ZNF804B: variants seen among roughly 807,000 people sequenced by gnomAD.
The protein encoded by ZNF804B is zinc finger protein 804B, also known as zinc finger 804B.
In ZNF804B, 80 loss-of-function variants were observed where a neutral mutation model predicts 101.4. The ratio of observed to expected loss-of-function variants is 0.79; its 90% CI spans 0.66 to 0.95. ZNF804B has a LOEUF of 0.95. Among genes scored for constraint, ZNF804B ranks in the 40% least tolerant of loss-of-function variants. ZNF804B has a pLI of 0.00. For synonymous variants in ZNF804B, 622 were observed against 558.8 expected, an observed-to-expected ratio of 1.11 and a Z score of -1.59; for missense variants, 1,673 against 1,561.9, an observed-to-expected ratio of 1.07 and a Z score of -1.20.
rs147010564 is a variant in ZNF804B at position 89,164,095 on chromosome 7, C to T, written c.109-54060C>T. Reference sequence around the variant, plus strand: ...CTTCAAGGGTTTTAAAATGTACCACCGAAAATACTCATTTTGTTATAAAAT... The same window carrying T: ...CTTCAAGGGTTTTAAAATGTACCACTGAAAATACTCATTTTGTTATAAAAT... On this transcript the variant is annotated intron_variant, in intron 1 of 3. Transcript: ENST00000333190. Among the ~76,000 whole-genome samples, 428 of 151,750 alleles carry T rather than the reference C, an allele frequency of 2.8e-3. 5 individuals carry two copies. The highest frequency in any genetic ancestry group is 9.9e-3 in the African/African-American group (408 of 41,398).
At chr7:89,191,734 A>G (rs983405913) in intron 1 of ZNF804B, among the ~76,000 whole-genome samples, 4 of 152,128 alleles carry the variant, frequency 2.6e-5, no homozygotes, top group African/African-American at 9.6e-5. Context: ...TAAAGCAAAA[A>G]TAAAATTTAC....
chr7:88,854,520 T>TCCTTTCCTTTCCTTCCCTTCCCTTC (rs1791517856), intron 1 of ZNF804B, among the ~76,000 whole-genome samples: 1 of 61,232 alleles, frequency 1.6e-5, no homozygotes, highest in African/African-American at 8.4e-5. Context: ...TCCTTTCCTT[T>TCCTTTCCTTTCCTTCCCTTCCCTTC]CCTTCCTTTC....
chr7:88,993,084 T>G (rs1793869814), intron 1 of ZNF804B, among the ~76,000 whole-genome samples: 1 of 151,988 alleles, frequency 6.6e-6, no homozygotes, highest in South Asian at 2.1e-4. Flanking sequence ...AATACTAGCT[T>G]TTAAATATTT....
At chr7:89,273,211 A>G (rs1442072527) in intron 2 of ZNF804B, among the ~76,000 whole-genome samples, 1 of 152,152 alleles carries the variant, frequency 6.6e-6, no homozygotes, top group Admixed American at 6.6e-5. Context: ...TAACTTCAAA[A>G]GACAGACTAA....
At chr7:89,214,927 G>GC (rs1788866988) in intron 1 of ZNF804B, among the ~76,000 whole-genome samples, 1 of 152,104 alleles carries the variant, frequency 6.6e-6, no homozygotes. Context: ...TGAAAAGCAT[G>GC]CCCCCCTTTA....
At chr7:88,866,543 C>G (rs538810986) in intron 1 of ZNF804B, among the ~76,000 whole-genome samples, 6 of 152,232 alleles carry the variant, frequency 3.9e-5, no homozygotes, top group Admixed American at 3.3e-4. Flanking sequence ...AAAGAGGTCA[C>G]ATTAAAAAAC....
chr7:89,305,015 A>G (rs1480067658), intron 2 of ZNF804B, among the ~76,000 whole-genome samples: 2 of 152,008 alleles, frequency 1.3e-5, no homozygotes, highest in African/African-American at 4.8e-5. Context: ...GGCTGGTTAG[A>G]GCCACTCTCT....
chr7:89,086,164 G>T (rs1374669150), intron 1 of ZNF804B, among the ~76,000 whole-genome samples: 4 of 151,842 alleles, frequency 2.6e-5, no homozygotes, highest in African/African-American at 9.7e-5. Context: ...TAATTTACAA[G>T]CAATAGGCTT....
chr7:89,248,267 G>A (rs1322522167), intron 2 of ZNF804B, among the ~76,000 whole-genome samples: 1 of 152,008 alleles, frequency 6.6e-6, no homozygotes, highest in Non-Finnish European at 1.5e-5. Context: ...ACATCTGTGA[G>A]ATACTATACA....
chr7:88,834,524 T>C (rs2115790649), intron 1 of ZNF804B, among the ~76,000 whole-genome samples: 1 of 151,878 alleles, frequency 6.6e-6, no homozygotes, highest in South Asian at 2.1e-4. Flanking sequence ...TAATAGAAAG[T>C]TCTTGAAGAA....
intron 1 of ZNF804B, among the ~76,000 whole-genome samples, chr7:89,154,930 T>G (rs1790934309): frequency 6.6e-6 from 1 of 151,980 alleles, no homozygotes; most frequent in Admixed American, 6.6e-5. Context: ...AAAGGATAAA[T>G]GCTTGAGAGG....
At chr7:89,257,381 A>C (rs1327142580) in intron 2 of ZNF804B, among the ~76,000 whole-genome samples, 1 of 152,190 alleles carries the variant, frequency 6.6e-6, no homozygotes, top group Non-Finnish European at 1.5e-5. Context: ...ATACTGTGAT[A>C]GAAATCACAA....
At chr7:89,184,399 C>G (rs1379368590) in intron 1 of ZNF804B, among the ~76,000 whole-genome samples, 1 of 152,096 alleles carries the variant, frequency 6.6e-6, no homozygotes, top group Non-Finnish European at 1.5e-5. Context: ...TGTAGGATCA[C>G]AGGTTATTTC....
At chr7:89,314,397 T>A (rs1297967842) in intron 2 of ZNF804B, among the ~76,000 whole-genome samples, 1 of 152,196 alleles carries the variant, frequency 6.6e-6, no homozygotes, top group East Asian at 1.9e-4. Context: ...CCAGTCATAC[T>A]GTCCAGATGA....
intron 1 of ZNF804B, among the ~76,000 whole-genome samples, chr7:89,094,593 T>G (rs1789943273): frequency 1.3e-5 from 2 of 152,156 alleles, no homozygotes; most frequent in Non-Finnish European, 2.9e-5. Context: ...TGAGATGCAG[T>G]AGTTTTCCTA....
rs200502721 is a variant in ZNF804B at position 89,050,189 on chromosome 7, C to CA, written c.109-167957dup. Among the ~76,000 whole-genome samples, 251 of 150,092 alleles carry CA rather than the reference C, an allele frequency of 1.7e-3. 2 individuals carry two copies. Among genetic ancestry groups the CA allele is most frequent in the African/African-American group, 5.2e-3 (212 of 40,914 alleles). ...TTTAAAAAAATTTTAAAGGCAATGACAAAAAAAAAGATTTTAGTATTATTA... is the reference window on the plus strand; with the variant it reads ...TTTAAAAAAATTTTAAAGGCAATGACAAAAAAAAAAGATTTTAGTATTATTA... On this transcript the variant is annotated intron_variant, in intron 1 of 3. Coordinates refer to ENST00000333190, the MANE Select transcript of ZNF804B (RefSeq NM_181646.5).
At position 88,923,945 on chromosome 7, in the gene ZNF804B, A is replaced by G. The variant is rs549353462; in HGVS notation, c.108+163861A>G. ...TAGCATTTCATAAATTGAATGTAATATAATTTGTGTGATCATTCTAGTGAT... is the reference window on the plus strand; with the variant it reads ...TAGCATTTCATAAATTGAATGTAATGTAATTTGTGTGATCATTCTAGTGAT... On this transcript the variant is annotated intron_variant, in intron 1 of 3. Transcript: ENST00000333190. Among the ~76,000 whole-genome samples the G allele has an allele frequency of 2.0e-5, 3 of 152,268 alleles. No individual in the cohort carries two copies. In the South Asian group the frequency reaches 6.2e-4, roughly 32 times the overall value.
intron 1 of ZNF804B, among the ~76,000 whole-genome samples, chr7:88,848,497 C>T (rs1009452942): frequency 6.6e-6 from 1 of 151,968 alleles, no homozygotes; most frequent in Non-Finnish European, 1.5e-5. Flanking sequence ...GTGCAGTGAG[C>T]AAACTGCACC....
intron 1 of ZNF804B, among the ~76,000 whole-genome samples, chr7:88,790,365 C>T (rs551673256): frequency 6.6e-6 from 1 of 152,148 alleles, no homozygotes; most frequent in African/African-American, 2.4e-5. Context: ...CACCTGTCTT[C>T]CCATCCCTTA....
Sources: allele counts gnomAD v4.1 joint callset (sites outside exome capture counted in the v4.1 genomes callset), GRCh38; gene constraint gnomAD v4.1.1; transcripts MANE v1.5; gene names NCBI Gene and HGNC (gene_info 2026-07-23, HGNC 2026-07-21).